Variants in NEBL observed in about 807,000 individuals in gnomAD.
The protein encoded by NEBL is nebulette.
Under a neutral mutation model 140.2 loss-of-function variants are expected in NEBL, and 122 were observed. The observed-to-expected ratio is 0.87, with a 90% confidence interval of 0.75 to 1.01. The LOEUF is 1.01. Ranked by LOEUF, NEBL falls within the 50% of genes least tolerant of loss-of-function variation. The pLI, the probability that NEBL is intolerant of heterozygous loss-of-function variation, is 0.00. For missense variants in NEBL, 1,365 were observed against 1,231.3 expected, an observed-to-expected ratio of 1.11 and a Z score of -1.62; for synonymous variants, 436 against 398.9, an observed-to-expected ratio of 1.09 and a Z score of -1.11.
chr10:21,071,154 G>A (rs1412242130), intron 2 of NEBL, among the ~76,000 whole-genome samples: 3 of 151,452 alleles, frequency 2.0e-5, no homozygotes, highest in South Asian at 2.1e-4. Context: ...CTGGGTGACA[G>A]TGACACTCTG....
chr10:21,255,981 CAA>C (rs774590730), intron 1 of NEBL, among the ~76,000 whole-genome samples: 2 of 122,702 alleles, frequency 1.6e-5, no homozygotes. Flanking sequence ...GACTCTGTCT[CAA>C]AAAAAAAAAA....
intron 3 of NEBL, among the ~76,000 whole-genome samples, chr10:20,985,969 C>T (rs1837242073): frequency 6.6e-6 from 1 of 151,908 alleles, no homozygotes; most frequent in Non-Finnish European, 1.5e-5. Context: ...AAAACATATC[C>T]CTTTAGGTTA....
intron 1 of NEBL, among the ~76,000 whole-genome samples, chr10:21,271,509 G>A (rs1182472458): frequency 6.6e-6 from 1 of 151,780 alleles, no homozygotes; most frequent in African/African-American, 2.4e-5. Flanking sequence ...AAACTACTAA[G>A]AGAATAGTAA....
chr10:21,130,923 T>C (rs1483089907), intron 2 of NEBL, among the ~76,000 whole-genome samples: 2 of 151,696 alleles, frequency 1.3e-5, no homozygotes, highest in East Asian at 3.9e-4. Context: ...AAGCAGGGAC[T>C]CCATACAGAA....
chr10:21,276,164 G>A (rs575707815), intron 1 of NEBL, among the ~76,000 whole-genome samples: 7 of 151,714 alleles, frequency 4.6e-5, no homozygotes, highest in African/African-American at 1.7e-4. Flanking sequence ...TGGAGACAGC[G>A]TTCCACCATG....
At chr10:21,237,150 A>C (rs1842364769) in intron 3 of NEBL, among the ~76,000 whole-genome samples, 2 of 152,206 alleles carry the variant, frequency 1.3e-5, no homozygotes, top group South Asian at 4.1e-4. Context: ...AAATCCTGTC[A>C]AAGCCTGTTT....
intron 4 of NEBL, among the ~76,000 whole-genome samples, chr10:20,904,901 A>C (rs769943789): frequency 7.2e-5 from 11 of 152,232 alleles, no homozygotes; most frequent in Non-Finnish European, 1.3e-4. Flanking sequence ...TAACCCATTC[A>C]GAGATAGATG....
At chr10:20,881,896 A>C (rs542952463) in intron 4 of NEBL, among the ~76,000 whole-genome samples, 38 of 152,228 alleles carry the variant, frequency 2.5e-4, no homozygotes, top group Non-Finnish European at 3.2e-4. Flanking sequence ...GAATTACTTG[A>C]CATGAGAAAA....
intron 26 of NEBL, among the ~76,000 whole-genome samples, chr10:20,794,585 G>A (rs1836322594): frequency 6.6e-6 from 1 of 152,042 alleles, no homozygotes; most frequent in African/African-American, 2.4e-5. Flanking sequence ...TATTCATATT[G>A]TGCAACCTGC....
chr10:20,810,117 A>G (rs1837993242), intron 24 of NEBL, among the ~76,000 whole-genome samples: 2 of 152,308 alleles, frequency 1.3e-5, no homozygotes, highest in South Asian at 4.1e-4. Context: ...CTTTGTAATC[A>G]GATTGAAGTT....
intron 4 of NEBL, among the ~76,000 whole-genome samples, chr10:20,953,149 C>T (rs868445402): frequency 6.6e-6 from 1 of 152,102 alleles, no homozygotes; most frequent in South Asian, 2.1e-4. Flanking sequence ...TGTTGAAGCC[C>T]TAACCACCAA....
At chr10:21,193,445 A>C (rs886101243) in intron 3 of NEBL, among the ~76,000 whole-genome samples, 1 of 152,196 alleles carries the variant, frequency 6.6e-6, no homozygotes, top group African/African-American at 2.4e-5. Flanking sequence ...AATCACCATT[A>C]TCTATCCCTT....
At chr10:21,017,978 T>C (rs1184331638) in intron 3 of NEBL, among the ~76,000 whole-genome samples, 2 of 152,034 alleles carry the variant, frequency 1.3e-5, no homozygotes, top group African/African-American at 4.8e-5. Flanking sequence ...CCGCCACCAC[T>C]CCCAGCTAAT....
rs1043386909 is a variant in NEBL, at chr10:21,029,021, C to A, written c.165-8820G>T. 5 of 755,632 alleles carry A rather than the reference C, an allele frequency of 6.6e-6. No homozygotes were observed. The Admixed American group carries it at 9.7e-5, about 15-fold the overall frequency. 46.8% of individuals were successfully genotyped at this position (755,632 alleles called of 1,614,324 possible). A position where few individuals can be genotyped will look rare whatever the true frequency, so the allele number is the denominator to read the frequency against. On this transcript the variant is annotated intron_variant, in intron 2 of 6. Transcript: ENST00000417816. Reference sequence around the variant, plus strand: ...AACATGGCGGCCTCAGCAAAAAAGACGAATAAGAAGAGGAAAACTATCTCC... The same window carrying A: ...AACATGGCGGCCTCAGCAAAAAAGAAGAATAAGAAGAGGAAAACTATCTCC...
intron 16 of NEBL, among the ~76,000 whole-genome samples, chr10:20,830,070 A>G (rs1257930190): frequency 6.6e-6 from 1 of 152,218 alleles, no homozygotes; most frequent in African/African-American, 2.4e-5. Context: ...ACGAACACTG[A>G]GAACAGAACA....
chr10:20,806,164 G>A (rs1837598329), intron 26 of NEBL, among the ~76,000 whole-genome samples: 1 of 152,178 alleles, frequency 6.6e-6, no homozygotes, highest in Admixed American at 6.5e-5. Context: ...ACTAACAGCA[G>A]CAGGTTTTTA....
intron 3 of NEBL, among the ~76,000 whole-genome samples, chr10:21,236,069 C>G (rs1429208260): frequency 1.3e-5 from 2 of 152,188 alleles, no homozygotes; most frequent in Non-Finnish European, 2.9e-5. Flanking sequence ...TATGACAAAA[C>G]AGAAGTCGTT....
intron 3 of NEBL, among the ~76,000 whole-genome samples, chr10:20,989,057 A>G (rs1226504419): frequency 6.6e-6 from 1 of 152,258 alleles, no homozygotes; most frequent in Admixed American, 6.5e-5. Flanking sequence ...TAAATGTCAA[A>G]ACCATGATTA....
chr10:20,800,555 T>C (rs1837018790), intron 26 of NEBL, among the ~76,000 whole-genome samples: 1 of 152,124 alleles, frequency 6.6e-6, no homozygotes, highest in Admixed American at 6.6e-5. Flanking sequence ...TTCCATACTG[T>C]TTTCCACAAC....
Sources: gnomAD v4.1 joint callset for allele counts (sites outside exome capture counted in the v4.1 genomes callset) on GRCh38, gnomAD v4.1.1 for gene constraint, MANE v1.5 for transcripts, NCBI Gene and HGNC (gene_info 2026-07-23, HGNC 2026-07-21) for gene names.